The following NFIA variants were observed in gnomAD, a reference collection of about 807,000 sequenced individuals.
NFIA encodes the protein nuclear factor I A.
NFIA carries 8 observed loss-of-function variants against 62.8 expected under a neutral mutation model. The ratio of observed to expected loss-of-function variants is 0.13; its 90% CI spans 0.07 to 0.23. The LOEUF (loss-of-function observed/expected upper bound fraction) is 0.23, where lower values mean the gene tolerates loss of function less well. Among genes scored for constraint, NFIA ranks in the 10% least tolerant of loss-of-function variants. The pLI is 1.00. For missense variants in NFIA, 410 were observed against 642.1 expected (o/e 0.64, Z 3.91); for synonymous variants, 235 against 238.1 (o/e 0.99, Z 0.12).
At chr1:61,128,913 A>ATTTTTT (rs1570221596) in intron 2 of NFIA, among the ~76,000 whole-genome samples, 1 of 62,918 alleles carries the variant, frequency 1.6e-5, no homozygotes, top group Non-Finnish European at 3.2e-5. Context: ...ATGCTTACTT[A>ATTTTTT]TGTTTTTTTT....
intron 2 of NFIA, among the ~76,000 whole-genome samples, chr1:61,113,615 A>AAG (rs1491290119): frequency 6.7e-6 from 1 of 149,314 alleles, no homozygotes; most frequent in Non-Finnish European, 1.5e-5. Flanking sequence ...AAAAAAAAAA[A>AAG]AGAGAATATG....
upstream of NFIA, chr1:61,082,556 T>C: frequency 6.9e-7 from 1 of 1,453,078 alleles, no homozygotes; most frequent in Non-Finnish European, 9.1e-7. Context: ...AGGGAAACTC[T>C]AGGCGGGGTT....
rs75422672 is a variant in NFIA at position 61,303,559 on chromosome 1, G to T, written c.625+25974G>T. Among the ~76,000 whole-genome samples the T allele has an allele frequency of 3.3e-3, 505 of 152,296 alleles. 3 individuals carry two copies. Among genetic ancestry groups the T allele is most frequent in the African/African-American group, 0.012 (489 of 41,564 alleles). ...GAGTGCGACACACAGATTTCCTTGG[G>T]GAAGACTAGTGTGGATGGAATGAAG... On this transcript the variant is annotated intron_variant, in intron 3 of 10. Coordinates refer to ENST00000403491, the MANE Select transcript of NFIA (RefSeq NM_001134673.4).
At chr1:61,335,960 C>T (rs1486802627) in intron 4 of NFIA, among the ~76,000 whole-genome samples, 2 of 152,124 alleles carry the variant, frequency 1.3e-5, no homozygotes, top group Non-Finnish European at 2.9e-5. Context: ...ATTTATCAAG[C>T]ATATACCATG....
intron 2 of NFIA, among the ~76,000 whole-genome samples, chr1:61,159,319 A>G (rs1223778370): frequency 6.6e-6 from 1 of 152,202 alleles, no homozygotes; most frequent in Non-Finnish European, 1.5e-5. Context: ...AAGAGAAAGC[A>G]TTGATCTTGG....
chr1:61,335,714 C>A (rs1297102035), intron 4 of NFIA, among the ~76,000 whole-genome samples: 1 of 151,882 alleles, frequency 6.6e-6, no homozygotes, highest in Non-Finnish European at 1.5e-5. Context: ...TGGTGTCGGG[C>A]GCCTGTAATC....
chr1:61,205,880 TAC>T (rs1266438022), intron 2 of NFIA, among the ~76,000 whole-genome samples: 1 of 151,136 alleles, frequency 6.6e-6, no homozygotes, highest in African/African-American at 2.4e-5. Context: ...ACTGAGGTTT[TAC>T]TCTTTTTATT....
chr1:61,192,079 C>T (rs917514875), intron 2 of NFIA, among the ~76,000 whole-genome samples: 3 of 152,118 alleles, frequency 2.0e-5, no homozygotes, highest in Non-Finnish European at 2.9e-5. Context: ...CCTCCTCAGC[C>T]TCCCGAGTAG....
At chr1:61,096,471 T>C (rs1646415275) in intron 2 of NFIA, among the ~76,000 whole-genome samples, 2 of 151,714 alleles carry the variant, frequency 1.3e-5, no homozygotes, top group Admixed American at 1.3e-4. Context: ...GCCAAAGTGC[T>C]GGGATTACAG....
intron 2 of NFIA, among the ~76,000 whole-genome samples, chr1:61,276,145 A>G (rs1418120348): frequency 6.6e-6 from 1 of 152,194 alleles, no homozygotes; most frequent in Non-Finnish European, 1.5e-5. Flanking sequence ...TCAACATAGA[A>G]TTTTTGCTAT....
intron 2 of NFIA, among the ~76,000 whole-genome samples, chr1:61,202,809 A>T: frequency 6.6e-6 from 1 of 152,258 alleles, no homozygotes; most frequent in Non-Finnish European, 1.5e-5. Context: ...GAATATTTTA[A>T]ATGTCTTGCA....
intron 2 of NFIA, among the ~76,000 whole-genome samples, chr1:61,176,523 CTGAT>C (rs1650357724): frequency 2.6e-5 from 4 of 152,034 alleles, no homozygotes. Context: ...TTTCTCCCCT[CTGAT>C]TGCTTACTTC....
intron 7 of NFIA, among the ~76,000 whole-genome samples, chr1:61,386,193 G>C (rs948844178): frequency 1.3e-5 from 2 of 152,294 alleles, no homozygotes; most frequent in East Asian, 3.9e-4. Flanking sequence ...GGAGTAAGAC[G>C]TGGTGTTTTA....
intron 2 of NFIA, among the ~76,000 whole-genome samples, chr1:61,128,237 C>T (rs1346980357): frequency 5.9e-5 from 9 of 152,128 alleles, no homozygotes; most frequent in Non-Finnish European, 1.5e-5. Flanking sequence ...GCATGAGCCA[C>T]TGCACCAAGC....
At chr1:61,342,274 AT>A (rs1413436904) in intron 4 of NFIA, among the ~76,000 whole-genome samples, 2 of 152,102 alleles carry the variant, frequency 1.3e-5, no homozygotes, top group African/African-American at 4.8e-5. Context: ...CTAATAGCTA[AT>A]GGTCAAGTAG....
intron 7 of NFIA, among the ~76,000 whole-genome samples, chr1:61,388,721 TG>T (rs1321681040): frequency 6.6e-6 from 1 of 152,230 alleles, no homozygotes; most frequent in South Asian, 2.1e-4. Context: ...TGGTATAATG[TG>T]TTCCCAGTAT....
At chr1:61,359,742 C>G (rs1328725288) in intron 6 of NFIA, among the ~76,000 whole-genome samples, 4 of 152,032 alleles carry the variant, frequency 2.6e-5, no homozygotes, top group African/African-American at 4.8e-5. Flanking sequence ...CCACGCCTGG[C>G]TAATTTTTTG....
At chr1:61,282,277 A>G (rs1199898047) in intron 3 of NFIA, among the ~76,000 whole-genome samples, 1 of 152,108 alleles carries the variant, frequency 6.6e-6, no homozygotes, top group South Asian at 2.1e-4. Flanking sequence ...CAGTTCAGAC[A>G]AAGTTCCTAG....
At chr1:61,401,560 T>A (rs1345750532) in intron 7 of NFIA, among the ~76,000 whole-genome samples, 1 of 152,160 alleles carries the variant, frequency 6.6e-6, no homozygotes, top group East Asian at 1.9e-4. Flanking sequence ...TGAATTTCTT[T>A]TTTGGGCAGC....
Sources: gnomAD v4.1 joint callset for allele counts (sites outside exome capture counted in the v4.1 genomes callset) on GRCh38, gnomAD v4.1.1 for gene constraint, MANE v1.5 for transcripts, NCBI Gene and HGNC (gene_info 2026-07-23, HGNC 2026-07-21) for gene names.